Variants in PCDHGB4 observed in about 807,000 individuals in gnomAD.
The protein encoded by PCDHGB4 is protocadherin gamma subfamily B, 4, also known as protocadherin gamma-B4.
PCDHGB4 carries 38 observed loss-of-function variants against 60.5 expected under a neutral mutation model. The observed-to-expected ratio is 0.63, with a 90% CI of 0.48 to 0.82. The LOEUF (loss-of-function observed/expected upper bound fraction) is 0.82, where lower values mean the gene tolerates loss of function less well. PCDHGB4 is among the 40% of genes least tolerant of loss of function. The pLI is 0.00. For missense variants in PCDHGB4, 1,109 were observed against 1,209.6 expected, an observed-to-expected ratio of 0.92 and a Z score of 1.23; for synonymous variants, 456 against 509.7, an observed-to-expected ratio of 0.89 and a Z score of 1.42.
At chr5:141,468,953 T>G (rs182999574) in intron 1 of PCDHGB4, among the ~76,000 whole-genome samples, 1,938 of 89,156 alleles carry the variant, frequency 0.022, 22 homozygotes, top group Non-Finnish European at 0.033. Flanking sequence ...AAACCTGTGG[T>G]TTTTTTTACC....
intron 1 of PCDHGB4, among the ~76,000 whole-genome samples, chr5:141,462,218 C>T (rs2099034952): frequency 6.6e-6 from 1 of 152,180 alleles, no homozygotes; most frequent in African/African-American, 2.4e-5. Context: ...CCTCGGCCTC[C>T]CAAAGTGCAG....
intron 1 of PCDHGB4, among the ~76,000 whole-genome samples, chr5:141,401,772 G>T (rs756327304): frequency 6.6e-6 from 1 of 152,126 alleles, no homozygotes; most frequent in Non-Finnish European, 1.5e-5. Context: ...TAAGTCTTTT[G>T]CTTGGTTTCC....
chr5:141,427,983 C>G, intron 1 of PCDHGB4: 2 of 1,596,840 alleles, frequency 1.3e-6, no homozygotes, highest in South Asian at 2.2e-5. Context: ...CGCGCTGGGG[C>G]CCGATGGCTC....
chr5:141,393,118 G>C (rs1254219994), intron 1 of PCDHGB4: 31 of 1,613,354 alleles, frequency 1.9e-5, no homozygotes, highest in Non-Finnish European at 2.5e-5. Flanking sequence ...AGCCCGCGGT[G>C]TCTGATAAAT....
intron 1 of PCDHGB4, chr5:141,426,946 C>A (rs565370434): frequency 2.2e-6 from 1 of 456,786 alleles, no homozygotes; most frequent in South Asian, 1.5e-5. Flanking sequence ...CCAGTCCCAA[C>A]TGGCACTGCT....
chr5:141,397,199 T>A (rs1317536621), intron 1 of PCDHGB4, among the ~76,000 whole-genome samples: 1 of 152,156 alleles, frequency 6.6e-6, no homozygotes, highest in Non-Finnish European at 1.5e-5. Context: ...GTAAAAGATA[T>A]GACATAAGAG....
intron 1 of PCDHGB4, among the ~76,000 whole-genome samples, chr5:141,472,991 AAAAAAAGAAAGAAAAAG>A (rs2099310051): frequency 6.6e-6 from 1 of 151,894 alleles, no homozygotes; most frequent in Admixed American, 6.6e-5. Flanking sequence ...AAAAAAAAAA[AAAAAAAGAAAGAAAAAG>A]AAAAAGAAAG....
At chr5:141,482,048 G>T (rs375214441) in intron 1 of PCDHGB4, among the ~76,000 whole-genome samples, 12 of 150,156 alleles carry the variant, frequency 8.0e-5, no homozygotes, top group Middle Eastern at 6.9e-3. Flanking sequence ...TCATGCTGTT[G>T]CATTCCAGCC....
At chr5:141,395,815 A>T (rs1243382510) in intron 1 of PCDHGB4, 1 of 152,044 alleles carries the variant, frequency 6.6e-6, no homozygotes, top group Non-Finnish European at 1.5e-5. Context: ...AAACATGAAC[A>T]AACTTTAAAG....
At chr5:141,421,464 T>C in intron 1 of PCDHGB4, 1 of 1,614,090 alleles carries the variant, frequency 6.2e-7, no homozygotes, top group Non-Finnish European at 8.5e-7. Flanking sequence ...TCGCTGTGAA[T>C]CCGCGAAGCG....
chr5:141,413,366 C>T (rs1452603006), intron 1 of PCDHGB4: 2 of 1,613,958 alleles, frequency 1.2e-6, no homozygotes, highest in Middle Eastern at 1.7e-4. Flanking sequence ...CGGGAGCTGG[C>T]GGAGCGCGGA....
rs1340692426 is a variant in PCDHGB4 at position 141,485,025 on chromosome 5, A to C, written c.2398-9782A>C. ...CAAATCTACCCCGCCACCAGCAAAAACGGCGCGTAACCCTTGCGGCGCCGG... is the reference window on the plus strand; with the variant it reads ...CAAATCTACCCCGCCACCAGCAAAACCGGCGCGTAACCCTTGCGGCGCCGG... On this transcript the variant is annotated intron_variant, in intron 1 of 3. Transcript: ENST00000519479. This position sits in a 1 kb window ranked among gnomAD's most constrained non-coding sequence, Gnocchi z 5.7. 2 of 657,796 alleles carry C rather than the reference A, an allele frequency of 3.0e-6. No homozygotes were observed. The highest frequency in any genetic ancestry group is 5.4e-6 in the Non-Finnish European group (2 of 369,210). The allele number at this position is 657,796 out of a possible 1,614,324, so 40.7% of individuals were successfully genotyped here.
intron 1 of PCDHGB4, chr5:141,395,911 T>C (rs964928270): frequency 2.6e-5 from 4 of 152,144 alleles, no homozygotes; most frequent in African/African-American, 9.7e-5. Flanking sequence ...CATGGAGACA[T>C]GAAATCTAAA....
chr5:141,413,785 C>T (rs771027783), intron 1 of PCDHGB4: 1 of 1,613,186 alleles, frequency 6.2e-7, no homozygotes, highest in Non-Finnish European at 8.5e-7. Flanking sequence ...GGAGCACTCC[C>T]TAGATCGCGA....
chr5:141,444,588 A>G (rs1486905298), intron 1 of PCDHGB4, among the ~76,000 whole-genome samples: 1 of 152,138 alleles, frequency 6.6e-6, no homozygotes, highest in Non-Finnish European at 1.5e-5. Flanking sequence ...CTTTCTACTT[A>G]CCTTATTTAA....
rs777058727 is a variant in PCDHGB4 at position 141,431,947 on chromosome 5, A to G, written c.2397+41666A>G. 6 of 1,614,052 alleles carry G rather than the reference A, an allele frequency of 3.7e-6. No homozygotes were observed. The highest frequency in any genetic ancestry group is 2.2e-5 in the East Asian group (1 of 44,894). ...GAAATCTGCCCTTTAAATTAGAAAAATCTTACGGAAATTACTATAGTTTAG... is the reference window on the plus strand; with the variant it reads ...GAAATCTGCCCTTTAAATTAGAAAAGTCTTACGGAAATTACTATAGTTTAG... On this transcript the variant is annotated intron_variant, in intron 1 of 3. Transcript: ENST00000519479. This position sits in a 1 kb window ranked among gnomAD's most constrained non-coding sequence, Gnocchi z 4.8.
At chr5:141,461,614 T>G (rs954890718) in intron 1 of PCDHGB4, among the ~76,000 whole-genome samples, 11 of 152,208 alleles carry the variant, frequency 7.2e-5, no homozygotes, top group Non-Finnish European at 1.2e-4. Flanking sequence ...TTCAAAGTAT[T>G]TTCTAATACA....
In PCDHGB4 at chr5:141,485,124, C is replaced by A; in HGVS notation, c.2398-9683C>A. ...GCTGCTGTGGCTGTTTGGGGCGGGT[C>A]GGCTTCATCCGCGTCTCAGGAGCAA... is the stretch of plus-strand genomic sequence containing the variant. On this transcript the variant is annotated intron_variant, in intron 1 of 3. Transcript: ENST00000519479. The surrounding 1 kb of genome is among the most constrained non-coding windows in gnomAD (Gnocchi z 5.7). 2 of 1,390,136 alleles carry A rather than the reference C, an allele frequency of 1.4e-6. No homozygotes were observed. The highest frequency in any genetic ancestry group is 2.5e-5 in the South Asian group (2 of 80,180). 86.1% of individuals were successfully genotyped at this position (1,390,136 alleles called of 1,614,324 possible). A position where few individuals can be genotyped will look rare whatever the true frequency, so the allele number is the denominator to read the frequency against.
intron 1 of PCDHGB4, among the ~76,000 whole-genome samples, chr5:141,480,290 C>T (rs1053173416): frequency 2.2e-5 from 3 of 134,088 alleles, no homozygotes; most frequent in Non-Finnish European, 4.7e-5. Flanking sequence ...TGGCATGCAC[C>T]TGTGGTACCA....
Sources: allele counts gnomAD v4.1 joint callset (sites outside exome capture counted in the v4.1 genomes callset), GRCh38; gene constraint gnomAD v4.1.1; non-coding constraint Gnocchi (gnomAD v3.1); transcripts MANE v1.5; gene names NCBI Gene and HGNC (gene_info 2026-07-23, HGNC 2026-07-21).